Variants in EBF2 observed in about 807,000 individuals in gnomAD.
The protein encoded by EBF2 is EBF transcription factor 2, also known as transcription factor COE2.
EBF2 carries 21 observed loss-of-function variants against 72.8 expected under a neutral mutation model. That is an observed-to-expected ratio of 0.29 (90% CI 0.20 to 0.42). The LOEUF (loss-of-function observed/expected upper bound fraction) is 0.42, where lower values mean the gene tolerates loss of function less well. Among genes scored for constraint, EBF2 ranks in the 10% least tolerant of loss-of-function variants. The probability of loss-of-function intolerance (pLI) is 1.00; values close to 1 mark genes in which losing one functional copy is unlikely to be tolerated. For synonymous variants in EBF2, 299 were observed against 274.2 expected, an observed-to-expected ratio of 1.09 and a Z score of -0.89; for missense variants, 637 against 731.2, an observed-to-expected ratio of 0.87 and a Z score of 1.49.
chr8:26,025,909 C>T (rs1805296474), intron 6 of EBF2, among the ~76,000 whole-genome samples: 1 of 152,078 alleles, frequency 6.6e-6, no homozygotes, highest in African/African-American at 2.4e-5. Flanking sequence ...CAGCAGCCCA[C>T]ACCAGTAATC....
chr8:25,973,574 C>T (rs927638955), intron 6 of EBF2, among the ~76,000 whole-genome samples: 1 of 152,216 alleles, frequency 6.6e-6, no homozygotes, highest in Non-Finnish European at 1.5e-5. Flanking sequence ...TAAAAGTTAA[C>T]TTAAAAGAAA....
chr8:25,871,234 T>C (rs899714106), intron 10 of EBF2, among the ~76,000 whole-genome samples: 25 of 152,184 alleles, frequency 1.6e-4, no homozygotes, highest in African/African-American at 5.8e-4. Flanking sequence ...CAAAGCTCAA[T>C]TAGCTAATGA....
intron 6 of EBF2, among the ~76,000 whole-genome samples, chr8:25,970,378 T>G (rs1804172438): frequency 6.6e-6 from 1 of 151,686 alleles, no homozygotes; most frequent in Non-Finnish European, 1.5e-5. Context: ...CTGAAGCAGG[T>G]GCGGGCATAT....
chr8:25,851,523 C>T (rs993522694), intron 14 of EBF2, among the ~76,000 whole-genome samples: 1 of 152,172 alleles, frequency 6.6e-6, no homozygotes, highest in African/African-American at 2.4e-5. Context: ...CTCTTAATGT[C>T]AGATACTCCA....
chr8:26,005,541 T>TATATA (rs1403511221), intron 6 of EBF2, among the ~76,000 whole-genome samples: 1,894 of 35,820 alleles, frequency 0.053, 20 homozygotes, highest in Non-Finnish European at 0.069. Flanking sequence ...TTATATATAT[T>TATATA]TTATATATAT....
At chr8:26,001,749 ATT>A (rs1804729496) in intron 6 of EBF2, among the ~76,000 whole-genome samples, 1 of 151,970 alleles carries the variant, frequency 6.6e-6, no homozygotes, top group Non-Finnish European at 1.5e-5. Flanking sequence ...GGGTTTCACC[ATT>A]TTGGCCAGGC....
chr8:26,000,886 G>A (rs535419928), intron 6 of EBF2, among the ~76,000 whole-genome samples: 6 of 152,320 alleles, frequency 3.9e-5, no homozygotes, highest in East Asian at 1.9e-4. Context: ...AAGGAAAATC[G>A]TTGTATTATG....
At chr8:25,933,110 G>A (rs1476274754) in intron 6 of EBF2, among the ~76,000 whole-genome samples, 1 of 152,158 alleles carries the variant, frequency 6.6e-6, no homozygotes, top group African/African-American at 2.4e-5. Context: ...GGTCTCGTAG[G>A]CATGCTGGAG....
At chr8:25,857,108 T>C (rs1802110330) in intron 14 of EBF2, among the ~76,000 whole-genome samples, 1 of 152,114 alleles carries the variant, frequency 6.6e-6, no homozygotes, top group Non-Finnish European at 1.5e-5. Context: ...AAGCAATCAT[T>C]TATTTCTCTA....
chr8:25,944,463 T>G (rs1347697095), intron 6 of EBF2, among the ~76,000 whole-genome samples: 1 of 152,042 alleles, frequency 6.6e-6, no homozygotes, highest in Non-Finnish European at 1.5e-5. Context: ...TGAAATCCCT[T>G]TGGCATCTAG....
chr8:25,963,608 A>G (rs1330383366), intron 6 of EBF2, among the ~76,000 whole-genome samples: 1 of 152,168 alleles, frequency 6.6e-6, no homozygotes, highest in Non-Finnish European at 1.5e-5. Flanking sequence ...AGCCCTTCCA[A>G]AAGAAAAATT....
chr8:26,023,531 G>A (rs1805237006), intron 6 of EBF2, among the ~76,000 whole-genome samples: 1 of 152,154 alleles, frequency 6.6e-6, no homozygotes, highest in South Asian at 2.1e-4. Context: ...CTTTGAATGA[G>A]AGAATGCTAG....
chr8:25,919,744 ACT>A (rs1803278211), intron 6 of EBF2, among the ~76,000 whole-genome samples: 1 of 152,238 alleles, frequency 6.6e-6, no homozygotes, highest in South Asian at 2.1e-4. Context: ...TGCCAGGGGT[ACT>A]GTTTCTGCTT....
intron 6 of EBF2, among the ~76,000 whole-genome samples, chr8:25,969,525 C>T (rs1342141601): frequency 6.6e-6 from 1 of 152,222 alleles, no homozygotes; most frequent in Non-Finnish European, 1.5e-5. Flanking sequence ...ATCCATGGAG[C>T]ACCTATCCCG....
At chr8:25,870,531 T>A (rs2117272812) in intron 10 of EBF2, among the ~76,000 whole-genome samples, 1 of 152,286 alleles carries the variant, frequency 6.6e-6, no homozygotes, top group East Asian at 1.9e-4. Flanking sequence ...TAGTCCTTCC[T>A]GCTGCTCAGA....
At position 26,044,882 on chromosome 8, in the gene EBF2, G is replaced by A; in HGVS notation, c.-23C>T. The A allele has an allele frequency of 6.2e-7, 1 of 1,612,210 alleles. No homozygotes were observed. Among genetic ancestry groups the A allele is most frequent in the Admixed American group, 1.7e-5 (1 of 59,928 alleles). ...CATTTAAAAAGTCTGATCCTCTACT[G>A]TCGCTTTAAAAGTAAGAGTTACAAC... is the stretch of plus-strand genomic sequence containing the variant. On this transcript the variant is annotated 5_prime_UTR_variant, in exon 1 of 16. Coordinates refer to ENST00000520164, the MANE Select transcript of EBF2 (RefSeq NM_022659.4). This position sits in a 1 kb window ranked among gnomAD's most constrained non-coding sequence, Gnocchi z 4.1.
chr8:25,923,437 C>T (rs1457591851), intron 6 of EBF2, among the ~76,000 whole-genome samples: 1 of 152,118 alleles, frequency 6.6e-6, no homozygotes, highest in East Asian at 1.9e-4. Flanking sequence ...TTTTCTTTAC[C>T]ATCTCTCAGC....
intron 6 of EBF2, among the ~76,000 whole-genome samples, chr8:26,015,838 C>T (rs1027002704): frequency 1.3e-5 from 2 of 152,164 alleles, no homozygotes; most frequent in Non-Finnish European, 2.9e-5. Context: ...AGAAGAGACC[C>T]TGAGGGCAGC....
At chr8:25,977,287 C>T (rs1336523403) in intron 6 of EBF2, among the ~76,000 whole-genome samples, 2 of 152,144 alleles carry the variant, frequency 1.3e-5, no homozygotes, top group Admixed American at 1.3e-4. Context: ...TACTTCCCCA[C>T]AGTTTATCTC....
Sources: allele counts gnomAD v4.1 joint callset (sites outside exome capture counted in the v4.1 genomes callset), GRCh38; gene constraint gnomAD v4.1.1; non-coding constraint Gnocchi (gnomAD v3.1); transcripts MANE v1.5; gene names NCBI Gene and HGNC (gene_info 2026-07-23, HGNC 2026-07-21).